Variants in CSNK1G3 observed in about 807,000 individuals in gnomAD.
The protein encoded by CSNK1G3 is casein kinase 1 gamma 3, also known as casein kinase I isoform gamma-3.
Under a neutral mutation model 64.3 loss-of-function variants are expected in CSNK1G3, and 23 were observed. The ratio of observed to expected loss-of-function variants is 0.36; its 90% CI spans 0.26 to 0.51. The LOEUF is 0.51. Among genes scored for constraint, CSNK1G3 ranks in the 20% least tolerant of loss-of-function variants. CSNK1G3 has a pLI of 0.96. For missense variants in CSNK1G3, 357 were observed against 510.5 expected (o/e 0.70, Z 2.90); for synonymous variants, 158 against 162.2 (o/e 0.97, Z 0.20).
intron 2 of CSNK1G3, among the ~76,000 whole-genome samples, chr5:123,547,448 T>C (rs1331393558): frequency 6.6e-6 from 1 of 152,100 alleles, no homozygotes; most frequent in Non-Finnish European, 1.5e-5. Flanking sequence ...TAGGTATGTG[T>C]CTGTGTGTGT....
At chr5:123,571,225 G>A (rs543849272) in intron 4 of CSNK1G3, among the ~76,000 whole-genome samples, 3 of 152,218 alleles carry the variant, frequency 2.0e-5, no homozygotes, top group Non-Finnish European at 2.9e-5. Flanking sequence ...CATGTATGCA[G>A]TTTGAATTTG....
chr5:123,591,711 T>C (rs543956203), intron 10 of CSNK1G3, among the ~76,000 whole-genome samples: 6 of 152,204 alleles, frequency 3.9e-5, no homozygotes, highest in African/African-American at 1.4e-4. Context: ...TTTCTAACTG[T>C]AGTTTAGTTC....
intron 10 of CSNK1G3, 95 bp downstream of exon 11, chr5:123,595,229 A>G (rs1793201481): frequency 4.3e-6 from 5 of 1,159,688 alleles, no homozygotes; most frequent in South Asian, 2.9e-5. Flanking sequence ...ATCTTAATGG[A>G]AAATTTGTTG....
chr5:123,584,017 T>G (rs1371911781), intron 6 of CSNK1G3, among the ~76,000 whole-genome samples: 1 of 152,158 alleles, frequency 6.6e-6, no homozygotes, highest in Non-Finnish European at 1.5e-5. Flanking sequence ...TGTATTAACC[T>G]TATATCTTGT....
At chr5:123,545,916 T>G (rs1782445272) in intron 2 of CSNK1G3, 75 bp downstream of exon 2, 2 of 1,204,450 alleles carry the variant, frequency 1.7e-6, no homozygotes, top group Admixed American at 2.0e-5. Flanking sequence ...TGAAAATGAT[T>G]TAGTTATTTA....
At chr5:123,601,571 G>C (rs1036836038) in intron 10 of CSNK1G3, among the ~76,000 whole-genome samples, 4 of 152,184 alleles carry the variant, frequency 2.6e-5, no homozygotes, top group Non-Finnish European at 4.4e-5. Flanking sequence ...GTTTACCAAA[G>C]TCAGGTATAA....
At chr5:123,582,518 T>A (rs946343252) in intron 6 of CSNK1G3, among the ~76,000 whole-genome samples, 25 of 152,212 alleles carry the variant, frequency 1.6e-4, no homozygotes, top group African/African-American at 5.5e-4. Context: ...CATATATTCC[T>A]GAAGAGGAAA....
At chr5:123,614,060 T>C (rs1290778901) in intron 12 of CSNK1G3, among the ~76,000 whole-genome samples, 2 of 152,188 alleles carry the variant, frequency 1.3e-5, no homozygotes, top group Non-Finnish European at 2.9e-5. Context: ...TGAGAATGCA[T>C]AGAATGAAAT....
chr5:123,562,867 G>C (rs373300569), intron 4 of CSNK1G3, among the ~76,000 whole-genome samples: 1 of 151,976 alleles, frequency 6.6e-6, no homozygotes, highest in African/African-American at 2.4e-5. Flanking sequence ...CTTGAGAAGG[G>C]TGGGCTTTAA....
chr5:123,519,328 C>T lies in CSNK1G3; in HGVS notation c.-248+6758C>T, dbSNP rs1164605780. On this transcript the variant is annotated intron_variant, in intron 1 of 12. Coordinates refer to ENST00000345990, the Ensembl canonical transcript of CSNK1G3. ...CTCGGTCTCCCAAAGTGCTGGATTACAGGCATGAGCCACTGTGCCCGGCTG... is the reference window on the plus strand; with the variant it reads ...CTCGGTCTCCCAAAGTGCTGGATTATAGGCATGAGCCACTGTGCCCGGCTG... Among the ~76,000 whole-genome samples, 3 of 152,344 alleles carry T rather than the reference C, an allele frequency of 2.0e-5. No individual in the cohort carries two copies. The East Asian group carries it at 5.8e-4, about 29-fold the overall frequency.
chr5:123,592,057 T>C (rs911677137), intron 10 of CSNK1G3, among the ~76,000 whole-genome samples: 6 of 152,014 alleles, frequency 3.9e-5, no homozygotes, highest in Non-Finnish European at 7.4e-5. Flanking sequence ...CAGAAATAGC[T>C]ATATTTAAAA....
intron 2 of CSNK1G3, among the ~76,000 whole-genome samples, chr5:123,550,220 C>T (rs1022511875): frequency 2.0e-5 from 3 of 152,264 alleles, no homozygotes; most frequent in Non-Finnish European, 2.9e-5. Flanking sequence ...TCATTTCACA[C>T]GACACAGACC....
intron 2 of CSNK1G3, among the ~76,000 whole-genome samples, chr5:123,548,020 T>C (rs1358790746): frequency 1.3e-5 from 2 of 152,188 alleles, no homozygotes; most frequent in Non-Finnish European, 2.9e-5. Flanking sequence ...TGAAATTTTA[T>C]ATGGTTAGTA....
intron 1 of CSNK1G3, among the ~76,000 whole-genome samples, chr5:123,514,688 T>C (rs373321512): frequency 6.6e-6 from 1 of 151,596 alleles, no homozygotes; most frequent in East Asian, 1.9e-4. Context: ...TAACATAGTT[T>C]AATAGGCAAA....
intron 4 of CSNK1G3, among the ~76,000 whole-genome samples, chr5:123,567,673 GAAGT>G (rs1388188891): frequency 1.3e-5 from 2 of 152,142 alleles, no homozygotes; most frequent in South Asian, 2.1e-4. Context: ...AGTATTATAA[GAAGT>G]AAGTAATAAA....
chr5:123,529,680 A>G (rs914898520), intron 1 of CSNK1G3, among the ~76,000 whole-genome samples: 5 of 152,196 alleles, frequency 3.3e-5, no homozygotes, highest in Non-Finnish European at 2.9e-5. Flanking sequence ...GATTTTAGAT[A>G]GTAAGATGAC....
chr5:123,549,917 C>T (rs1000485490), intron 2 of CSNK1G3, among the ~76,000 whole-genome samples: 1 of 152,154 alleles, frequency 6.6e-6, no homozygotes, highest in African/African-American at 2.4e-5. Context: ...CAGGAGCTTC[C>T]ATAACATCTC....
At chr5:123,516,519 T>C (rs552228926) in intron 1 of CSNK1G3, among the ~76,000 whole-genome samples, 67 of 152,238 alleles carry the variant, frequency 4.4e-4, no homozygotes, top group African/African-American at 1.5e-3. Flanking sequence ...CTAAGGAAAG[T>C]ATGTGTTTAT....
At chr5:123,546,022 G>A in intron 2 of CSNK1G3, 181 bp downstream of exon 2, 1 of 569,952 alleles carries the variant, frequency 1.8e-6, no homozygotes, top group South Asian at 2.4e-5. Context: ...GAATTCCCTA[G>A]TATAGGAGTG....
Sources: gnomAD v4.1 joint callset for allele counts (sites outside exome capture counted in the v4.1 genomes callset) on GRCh38, gnomAD v4.1.1 for gene constraint, MANE v1.5 for transcripts, NCBI Gene and HGNC (gene_info 2026-07-23, HGNC 2026-07-21) for gene names.